Variants in SLC35F3 observed in about 807,000 individuals in gnomAD.
The protein encoded by SLC35F3 is solute carrier family 35 member F3, also known as putative thiamine transporter SLC35F3.
Under a neutral mutation model 49.9 loss-of-function variants are expected in SLC35F3, and 25 were observed. The ratio of observed to expected loss-of-function variants is 0.50; its 90% confidence interval spans 0.37 to 0.70. The LOEUF (loss-of-function observed/expected upper bound fraction) is 0.70. Among genes scored for constraint, SLC35F3 ranks in the 30% least tolerant of loss-of-function variants. SLC35F3 has a pLI of 0.00. For missense variants in SLC35F3, 525 were observed against 639.8 expected, an observed-to-expected ratio of 0.82 and a Z score of 1.94; for synonymous variants, 275 against 265.4, an observed-to-expected ratio of 1.04 and a Z score of -0.35.
intron 2 of SLC35F3, among the ~76,000 whole-genome samples, chr1:234,173,956 C>T (rs1050828826): frequency 3.9e-5 from 6 of 152,206 alleles, no homozygotes; most frequent in Admixed American, 3.9e-4. Flanking sequence ...CCCATGTGTG[C>T]CCCACAGGAC....
intron 2 of SLC35F3, among the ~76,000 whole-genome samples, chr1:234,190,701 C>A (rs1323449256): frequency 1.3e-5 from 2 of 152,052 alleles, no homozygotes; most frequent in African/African-American, 4.8e-5. Flanking sequence ...TAAACTATAC[C>A]CTAGAACAAC....
rs184293790 is a variant in SLC35F3, at chr1:233,948,603, G to A, written c.283+42845G>A. ...ATACTTTAAGTTTTAGGGTACATGTGCACATTGTGCAGGTTAGTTACATAT... is the reference window on the plus strand; with the variant it reads ...ATACTTTAAGTTTTAGGGTACATGTACACATTGTGCAGGTTAGTTACATAT... On this transcript the variant is annotated intron_variant, in intron 2 of 7. Transcript: ENST00000366618. Among the ~76,000 whole-genome samples, 285 of 147,762 alleles carry A rather than the reference G, an allele frequency of 1.9e-3. 1 individual carries two copies. The highest frequency in any genetic ancestry group is 3.3e-3 in the Non-Finnish European group (219 of 67,236).
chr1:234,017,460 T>C (rs1186017069), intron 2 of SLC35F3, among the ~76,000 whole-genome samples: 1 of 152,054 alleles, frequency 6.6e-6, no homozygotes, highest in Non-Finnish European at 1.5e-5. Context: ...ATGCATGTAG[T>C]CCCAGCACTT....
At chr1:234,222,500 C>G (rs1311536114) in intron 2 of SLC35F3, among the ~76,000 whole-genome samples, 1 of 152,192 alleles carries the variant, frequency 6.6e-6, no homozygotes, top group East Asian at 1.9e-4. Context: ...TCCATCCAAC[C>G]AAAACCCACA....
chr1:234,143,288 C>CTTTTCTTTTTTTTTTTTTT (rs1478216426), intron 2 of SLC35F3, among the ~76,000 whole-genome samples: 3 of 123,566 alleles, frequency 2.4e-5, no homozygotes, highest in Admixed American at 1.8e-4. Flanking sequence ...CTTTTCTTTT[C>CTTTTCTTTTTTTTTTTTTT]TTTTTTTTTT....
intron 2 of SLC35F3, among the ~76,000 whole-genome samples, chr1:233,912,275 C>A (rs1441901984): frequency 6.6e-6 from 1 of 152,136 alleles, no homozygotes; most frequent in South Asian, 2.1e-4. Context: ...GTCAGGAGTT[C>A]AATACCAGCC....
chr1:234,189,313 A>T (rs1666695775), intron 2 of SLC35F3, among the ~76,000 whole-genome samples: 1 of 152,018 alleles, frequency 6.6e-6, no homozygotes, highest in South Asian at 2.1e-4. Flanking sequence ...GGAAATTTTT[A>T]AAAATATACG....
intron 2 of SLC35F3, among the ~76,000 whole-genome samples, chr1:234,090,196 C>A (rs1419970263): frequency 2.6e-5 from 4 of 152,278 alleles, no homozygotes; most frequent in Non-Finnish European, 5.9e-5. Flanking sequence ...ATTGAATCAT[C>A]CTTAGTCAAT....
intron 2 of SLC35F3, among the ~76,000 whole-genome samples, chr1:234,180,651 C>T (rs1666543456): frequency 6.6e-6 from 1 of 152,120 alleles, no homozygotes; most frequent in South Asian, 2.1e-4. Flanking sequence ...CTTCCTATTT[C>T]CCTCATTGGC....
intron 3 of SLC35F3, among the ~76,000 whole-genome samples, chr1:234,307,999 A>G (rs2102993298): frequency 6.6e-6 from 1 of 152,278 alleles, no homozygotes; most frequent in African/African-American, 2.4e-5. Context: ...ATTTTCTTAA[A>G]GATTTTTTGA....
At chr1:234,065,304 G>T (rs753864450) in intron 2 of SLC35F3, among the ~76,000 whole-genome samples, 29 of 152,154 alleles carry the variant, frequency 1.9e-4, no homozygotes, top group South Asian at 8.3e-4. Flanking sequence ...GTGCCACCAC[G>T]CCCGGCTAAT....
intron 3 of SLC35F3, among the ~76,000 whole-genome samples, chr1:234,255,264 T>A (rs927152274): frequency 6.6e-6 from 1 of 152,180 alleles, no homozygotes; most frequent in Non-Finnish European, 1.5e-5. Context: ...AATAATGTCA[T>A]GTCATCAGAG....
At chr1:234,280,442 A>G (rs991215880) in intron 3 of SLC35F3, among the ~76,000 whole-genome samples, 1 of 152,226 alleles carries the variant, frequency 6.6e-6, no homozygotes, top group Non-Finnish European at 1.5e-5. Flanking sequence ...TCTGTAGCTG[A>G]AACCGGTTTT....
At chr1:234,028,894 A>G (rs73100482) in intron 2 of SLC35F3, among the ~76,000 whole-genome samples, 11,941 of 152,216 alleles carry the variant, frequency 0.078, 1,254 homozygotes, top group African/African-American at 0.24. Flanking sequence ...ACAAGCTGCC[A>G]TAGAGGGTGA....
At chr1:234,257,704 G>A (rs972924402) in intron 3 of SLC35F3, among the ~76,000 whole-genome samples, 27 of 151,864 alleles carry the variant, frequency 1.8e-4, no homozygotes, top group African/African-American at 6.1e-4. Flanking sequence ...GTAAAAGTGC[G>A]TTCAAGAAAG....
intron 2 of SLC35F3, among the ~76,000 whole-genome samples, chr1:233,974,919 T>C (rs1663054979): frequency 6.6e-6 from 1 of 152,228 alleles, no homozygotes. Flanking sequence ...TGGAATCAGA[T>C]TCTAACCTGT....
rs535573131 is a variant in SLC35F3, at chr1:234,215,790, C to T, written c.284-15627C>T. On this transcript the variant is annotated intron_variant, in intron 2 of 7. Transcript: ENST00000366618. ...AGGCCTGCCTGCAGCTGCCCTAGTACTGTGATCCCCATCCTACTGAGGAGC... is the reference window on the plus strand; with the variant it reads ...AGGCCTGCCTGCAGCTGCCCTAGTATTGTGATCCCCATCCTACTGAGGAGC... Among the ~76,000 whole-genome samples, 7 of 152,310 alleles carry T rather than the reference C, an allele frequency of 4.6e-5. No individual in the cohort carries two copies. The South Asian group carries it at 1.5e-3, about 32-fold the overall frequency.
chr1:233,948,783 G>T (rs11584661), intron 2 of SLC35F3, among the ~76,000 whole-genome samples: 1 of 149,210 alleles, frequency 6.7e-6, no homozygotes, highest in South Asian at 2.1e-4. Flanking sequence ...TCATTGTTCA[G>T]TTCCCACCTA....
At chr1:233,975,858 T>C (rs138785036) in intron 2 of SLC35F3, among the ~76,000 whole-genome samples, 69 of 152,322 alleles carry the variant, frequency 4.5e-4, no homozygotes, top group African/African-American at 1.6e-3. Context: ...GTACTGGCTT[T>C]CTGCTCCTCT....
Sources: gnomAD v4.1 joint callset for allele counts (sites outside exome capture counted in the v4.1 genomes callset) on GRCh38, gnomAD v4.1.1 for gene constraint, MANE v1.5 for transcripts, NCBI Gene and HGNC (gene_info 2026-07-23, HGNC 2026-07-21) for gene names.